The following HYCC2 variants were observed in gnomAD, a reference collection of about 807,000 sequenced individuals.
HYCC2 encodes the protein hyccin 2.
the HYCC2 span, among the ~76,000 whole-genome samples, chr2:201,051,352 G>A: frequency 0.014 from 2,092 of 152,152 alleles, 26 homozygotes; most frequent in Non-Finnish European, 0.021. Context: ...ACATTGTACT[G>A]GAAGGCCTAG....
chr2:201,022,056 T>A, the HYCC2 span: 1 of 1,288,704 alleles, frequency 7.8e-7, no homozygotes, highest in African/African-American at 1.5e-5. Context: ...AGGAGAGGAT[T>A]ACCTGAACTT....
At chr2:201,057,131 G>A in the HYCC2 span, among the ~76,000 whole-genome samples, 1 of 152,164 alleles carries the variant, frequency 6.6e-6, no homozygotes, top group Admixed American at 6.5e-5. Flanking sequence ...GACTGACCAT[G>A]TGACCTGACA....
chr2:201,026,044 A>AT, the HYCC2 span, among the ~76,000 whole-genome samples: 1 of 152,222 alleles, frequency 6.6e-6, no homozygotes, highest in Non-Finnish European at 1.5e-5. Context: ...GTCAAGGCCC[A>AT]TAAGTATGCT....
At chr2:201,030,093 A>G in the HYCC2 span, among the ~76,000 whole-genome samples, 1 of 152,164 alleles carries the variant, frequency 6.6e-6, no homozygotes, top group East Asian at 1.9e-4. Flanking sequence ...TCTCAAAAAC[A>G]AAAACAAAAA....
At chr2:201,038,694 T>A in the HYCC2 span, among the ~76,000 whole-genome samples, 1 of 151,138 alleles carries the variant, frequency 6.6e-6, no homozygotes, top group African/African-American at 2.4e-5. Flanking sequence ...ATTGGAACAA[T>A]GAAAACACAT....
At chr2:201,057,745 CTGGT>C in the HYCC2 span, among the ~76,000 whole-genome samples, 1 of 152,086 alleles carries the variant, frequency 6.6e-6, no homozygotes, top group Non-Finnish European at 1.5e-5. Context: ...AAACTTAGGC[CTGGT>C]TTATACATGG....
the HYCC2 span, chr2:200,978,230 TGTTA>T: frequency 6.6e-6 from 1 of 152,192 alleles, no homozygotes; most frequent in Admixed American, 6.5e-5. Flanking sequence ...ACTCTCAGTT[TGTTA>T]AACTAACACC....
At chr2:201,063,337 C>T in the HYCC2 span, 131 of 1,550,188 alleles carry the variant, frequency 8.5e-5, 1 homozygote, top group African/African-American at 1.1e-4. Flanking sequence ...ATGGAAGAGT[C>T]GTGGAACCAA....
At chr2:200,981,843 C>A in the HYCC2 span, 1 of 1,611,136 alleles carries the variant, frequency 6.2e-7, no homozygotes, top group Admixed American at 1.7e-5. The surrounding 1 kb of genome is among the most constrained non-coding windows in gnomAD (Gnocchi z 4.5). Flanking sequence ...GGTTTACAGA[C>A]TCCTCTCCTC....
chr2:201,052,849 C>T, the HYCC2 span, among the ~76,000 whole-genome samples: 2 of 152,096 alleles, frequency 1.3e-5, no homozygotes, highest in East Asian at 1.9e-4. Context: ...GTACTGAAAA[C>T]GAACTCTGAA....
At chr2:201,062,098 C>T in the HYCC2 span, among the ~76,000 whole-genome samples, 1 of 152,044 alleles carries the variant, frequency 6.6e-6, no homozygotes, top group Non-Finnish European at 1.5e-5. Flanking sequence ...AAGCAAGACC[C>T]TGTCTCAAAA....
chr2:201,063,742 T>C, the HYCC2 span: 7 of 1,586,100 alleles, frequency 4.4e-6, no homozygotes, highest in Admixed American at 1.7e-5. Flanking sequence ...ACTTTGGTCA[T>C]GGAAGAAACT....
the HYCC2 span, among the ~76,000 whole-genome samples, chr2:201,027,069 C>T: frequency 1.9e-3 from 289 of 151,524 alleles, 3 homozygotes; most frequent in African/African-American, 6.7e-3. Flanking sequence ...ACTGCTAGCA[C>T]GACCAATAAA....
the HYCC2 span, chr2:201,063,170 G>A: frequency 7.1e-4 from 1,140 of 1,610,362 alleles, 17 homozygotes; most frequent in African/African-American, 0.014. Context: ...AACAACCGAT[G>A]AGAGCCTGAG....
chr2:201,065,975 T>C, the HYCC2 span, among the ~76,000 whole-genome samples: 4 of 152,242 alleles, frequency 2.6e-5, no homozygotes, highest in African/African-American at 9.6e-5. Context: ...TCTTAAGTTT[T>C]ATATTCATTT....
chr2:201,035,947 G>C, the HYCC2 span, among the ~76,000 whole-genome samples: 1 of 152,148 alleles, frequency 6.6e-6, no homozygotes, highest in African/African-American at 2.4e-5. Flanking sequence ...GTTGCTGCCT[G>C]ATCGTTCCTC....
At chr2:200,990,582 T>C in the HYCC2 span, among the ~76,000 whole-genome samples, 17 of 151,908 alleles carry the variant, frequency 1.1e-4, no homozygotes, top group East Asian at 3.1e-3. Context: ...TTTTTTTCTT[T>C]TTTTTTTTCA....
the HYCC2 span, among the ~76,000 whole-genome samples, chr2:201,068,373 A>T: frequency 6.6e-6 from 1 of 152,190 alleles, no homozygotes; most frequent in Non-Finnish European, 1.5e-5. Context: ...AAATTAGTAG[A>T]TTTGGCAGCC....
At chr2:201,006,215 C>T in the HYCC2 span, among the ~76,000 whole-genome samples, 1 of 151,140 alleles carries the variant, frequency 6.6e-6, no homozygotes, top group Non-Finnish European at 1.5e-5. Flanking sequence ...GCAACCTCTG[C>T]CTCCTTGGTT....
Sources: allele counts gnomAD v4.1 joint callset (sites outside exome capture counted in the v4.1 genomes callset), GRCh38; gene constraint gnomAD v4.1.1; non-coding constraint Gnocchi (gnomAD v3.1); transcripts MANE v1.5; gene names NCBI Gene and HGNC (gene_info 2026-07-23, HGNC 2026-07-21).